BCORL1: variants seen among roughly 807,000 people sequenced by gnomAD.
BCORL1 encodes BCL6 corepressor like 1, also known as BCL-6 corepressor-like protein 1.
In BCORL1, 7 loss-of-function variants were observed where a neutral mutation model predicts 87.6. The ratio of observed to expected loss-of-function variants is 0.08; its 90% CI spans 0.05 to 0.15. The LOEUF (loss-of-function observed/expected upper bound fraction) is 0.15. Among genes scored for constraint, BCORL1 ranks in the 10% least tolerant of loss-of-function variants. The pLI, the probability that BCORL1 is intolerant of heterozygous loss-of-function variation, is 1.00. For missense variants in BCORL1, 1,215 were observed against 1,499.7 expected (o/e 0.81, Z 3.13); for synonymous variants, 591 against 634.4 (o/e 0.93, Z 1.03).
At chrX:130,007,052 G>A (rs1226032583) in intron 2 of BCORL1, among the ~76,000 whole-genome samples, 2 of 112,000 alleles carry the variant, frequency 1.8e-5, no homozygotes, top group African/African-American at 3.2e-5. Context: ...AAATGTGTGT[G>A]CGCATATAGG....
chrX:130,008,185 G>T lies in BCORL1; in HGVS notation c.86+2868G>T, dbSNP rs149203770. ...TCTGTCTGCCTTGGCCTCCAAAAGTGCTGGGATTACAGGTGTGAGCCACTG... is the reference window on the plus strand; with the variant it reads ...TCTGTCTGCCTTGGCCTCCAAAAGTTCTGGGATTACAGGTGTGAGCCACTG... On this transcript the variant is annotated intron_variant, in intron 2 of 13. Coordinates refer to ENST00000540052, the MANE Select transcript of BCORL1 (RefSeq NM_001379451.1). Among the ~76,000 whole-genome samples the T allele has an allele frequency of 3.8e-3, 416 of 110,845 alleles. 1 individual carries two copies. The highest frequency in any genetic ancestry group is 5.7e-3 in the Non-Finnish European group (301 of 52,961).
chrX:130,054,633 C>T (rs139647138), intron 13 of BCORL1, among the ~76,000 whole-genome samples: 1,170 of 110,779 alleles, frequency 0.011, 17 homozygotes, highest in African/African-American at 0.036. Context: ...TGCTAGTGGC[C>T]GGGCATGGTG....
chrX:130,020,033 C>T (rs745990746), intron 4 of BCORL1, among the ~76,000 whole-genome samples: 53 of 112,445 alleles, frequency 4.7e-4, no homozygotes, highest in African/African-American at 1.6e-3. Flanking sequence ...TGAGCTGAAG[C>T]AGCCGAGGAA....
At chrX:130,019,262 T>C (rs1278681101) in intron 4 of BCORL1, among the ~76,000 whole-genome samples, 2 of 112,481 alleles carry the variant, frequency 1.8e-5, no homozygotes, top group Admixed American at 1.9e-4. Flanking sequence ...CACCGCGCCC[T>C]GCTAGATGTT....
In BCORL1 at chrX:129,998,243, A is replaced by G. The variant is rs988270378; in HGVS notation, c.-44-6945A>G. Among the ~76,000 whole-genome samples the G allele has an allele frequency of 3.0e-4, 33 of 110,211 alleles. 1 individual carries two copies. Among genetic ancestry groups the G allele is most frequent in the Admixed American group, 2.9e-3 (30 of 10,228 alleles). On this transcript the variant is annotated intron_variant, in intron 1 of 13. Coordinates refer to ENST00000540052, the MANE Select transcript of BCORL1 (RefSeq NM_001379451.1). Reference sequence around the variant, plus strand: ...CTGGGAAAATCCTTTGAGGTATTTCATATCCTTGTGCCTGTGCTTCCTGGG... The same window carrying G: ...CTGGGAAAATCCTTTGAGGTATTTCGTATCCTTGTGCCTGTGCTTCCTGGG...
At chrX:130,055,657 CAGG>C (rs1206222251) in intron 13 of BCORL1, among the ~76,000 whole-genome samples, 194 bp from the exon 14 acceptor site, 5 of 112,697 alleles carry the variant, frequency 4.4e-5, no homozygotes, top group Non-Finnish European at 7.5e-5. Context: ...TTGCAGGGGA[CAGG>C]AGAAGACATT....
intron 1 of BCORL1, among the ~76,000 whole-genome samples, chrX:130,000,489 A>G (rs1484008203): frequency 8.9e-6 from 1 of 112,585 alleles, no homozygotes; most frequent in Non-Finnish European, 1.9e-5. Context: ...TTAAAAGATA[A>G]TTGTCAGAAA....
chrX:129,981,853 GGAGA>G (rs1381707857), upstream of BCORL1: 1 of 97,111 alleles, frequency 1.0e-5, no homozygotes, highest in African/African-American at 3.8e-5. Flanking sequence ...GTCTTGGCGG[GGAGA>G]GAGAGAGGCG....
chrX:130,014,218 G>A lies in BCORL1; in HGVS notation c.1446G>A (p.Pro482=), dbSNP rs112032085. 3.4e-3 allele frequency: 4,140 copies of A among 1,208,369 alleles called. 14 individuals carry two copies. Among genetic ancestry groups the A allele is most frequent in the African/African-American group, 0.025 (1,429 of 56,686 alleles). The change falls in exon 4 of 14, where the codon CCG becomes CCA. Residue 482 remains proline (P), a synonymous_variant. Transcript: ENST00000540052. ...VSSTLTLPVL[P]SYLQDRCLPG... Reference sequence around the variant, plus strand: ...CCACTCTTACGCTCCCTGTCCTGCCGTCCTACCTGCAGGACAGGTGTCTCC... The same window carrying A: ...CCACTCTTACGCTCCCTGTCCTGCCATCCTACCTGCAGGACAGGTGTCTCC...
At chrX:129,993,141 T>A (rs2124345751) in intron 1 of BCORL1, among the ~76,000 whole-genome samples, 1 of 111,860 alleles carries the variant, frequency 8.9e-6, no homozygotes, top group Non-Finnish European at 1.9e-5. Context: ...GGGTGACATT[T>A]TGAGGTTGCT....
intron 1 of BCORL1, among the ~76,000 whole-genome samples, chrX:129,989,911 G>A (rs1000625873): frequency 8.2e-5 from 9 of 109,871 alleles, no homozygotes; most frequent in South Asian, 7.7e-4. Context: ...TCAGCCTCTC[G>A]AGTAGCTGGG....
chrX:130,035,043 C>T (rs1385244422), intron 9 of BCORL1, among the ~76,000 whole-genome samples: 2 of 111,220 alleles, frequency 1.8e-5, no homozygotes, highest in African/African-American at 6.5e-5. Flanking sequence ...CCCTCATTTT[C>T]GCCTCTCGCA....
chrX:129,983,825 G>A (rs747520677), intron 1 of BCORL1, among the ~76,000 whole-genome samples: 212 of 110,317 alleles, frequency 1.9e-3, no homozygotes, highest in Non-Finnish European at 3.2e-3. Context: ...CCCTCCACCC[G>A]CTTCGCGCCA....
At chrX:130,001,103 T>C (rs1331272269) in intron 1 of BCORL1, among the ~76,000 whole-genome samples, 1 of 111,021 alleles carries the variant, frequency 9.0e-6, no homozygotes. Flanking sequence ...CTTTTTTTTG[T>C]TTTTGAGATG....
rs772876096 is a variant in BCORL1 at position 130,021,138 on chromosome X, A to G, written c.3595A>G (p.Ser1199Gly). ...CCAGTCTCCAGGAAAACGAGCCGAC[A>G]GCCACGAGGAAGGTAGGCCCCGCGG... ...ESQSPGKRAD[S>G]HEEGSLEKKA... is the part of the protein sequence containing the mutation. Residue 1199 changes from serine (S) to glycine (G), a missense_variant, in exon 5 of 14, where the codon AGC (serine) becomes GGC (glycine). Ser to Gly is a moderately conservative substitution (Grantham distance 56). Coordinates refer to ENST00000540052, the MANE Select transcript of BCORL1 (RefSeq NM_001379451.1). 1.7e-6 allele frequency: 2 copies of G among 1,200,237 alleles called. No individual in the cohort carries two copies. Among genetic ancestry groups the G allele is most frequent in the Non-Finnish European group, 2.2e-6 (2 of 890,922 alleles).
chrX:130,049,409 T>C (rs1931951139), intron 11 of BCORL1, among the ~76,000 whole-genome samples: 1 of 111,956 alleles, frequency 8.9e-6, no homozygotes, highest in African/African-American at 3.2e-5. Context: ...CAGGCTGGAG[T>C]ACAATGGCAT....
intron 3 of BCORL1, 77 bp downstream of exon 3, chrX:130,012,745 C>A: frequency 2.9e-6 from 3 of 1,049,856 alleles, no homozygotes; most frequent in Non-Finnish European, 4.0e-6. Context: ...CCCAGCCTGC[C>A]ATCCCAGGAA....
chrX:130,002,182 G>A (rs1293549507), intron 1 of BCORL1, among the ~76,000 whole-genome samples: 1 of 110,097 alleles, frequency 9.1e-6, no homozygotes, highest in Non-Finnish European at 1.9e-5. Flanking sequence ...GTGGGGAGCA[G>A]GTTTATGAGA....
chrX:129,990,260 C>G (rs1338101540), intron 1 of BCORL1, among the ~76,000 whole-genome samples: 1 of 110,730 alleles, frequency 9.0e-6, no homozygotes, highest in Non-Finnish European at 1.9e-5. Flanking sequence ...GAGATGGAGT[C>G]TCGCTCTTTT....
Sources: allele counts gnomAD v4.1 joint callset (sites outside exome capture counted in the v4.1 genomes callset), GRCh38; gene constraint gnomAD v4.1.1; transcripts MANE v1.5; gene names NCBI Gene and HGNC (gene_info 2026-07-23, HGNC 2026-07-21).